ANKRD50: variants seen among roughly 807,000 people sequenced by gnomAD.
The protein encoded by ANKRD50 is ankyrin repeat domain 50.
ANKRD50 carries 40 observed loss-of-function variants against 112.0 expected under a neutral mutation model. That is an observed-to-expected ratio of 0.36 (90% CI 0.28 to 0.46). ANKRD50 has a LOEUF of 0.46. Ranked by LOEUF, ANKRD50 falls within the 20% of genes least tolerant of loss-of-function variation. The pLI is 1.00. For synonymous variants in ANKRD50, 613 were observed against 619.1 expected (o/e 0.99, Z 0.15); for missense variants, 1,487 against 1,701.7 (o/e 0.87, Z 2.22).
At chr4:124,706,476 G>A (rs562459300) in intron 2 of ANKRD50, among the ~76,000 whole-genome samples, 5 of 151,990 alleles carry the variant, frequency 3.3e-5, no homozygotes, top group African/African-American at 1.2e-4. Flanking sequence ...CATGTATCAC[G>A]TATTCTATCT....
chr4:124,705,350 C>A (rs2110528540), intron 2 of ANKRD50, among the ~76,000 whole-genome samples: 1 of 152,278 alleles, frequency 6.6e-6, no homozygotes, highest in Admixed American at 6.5e-5. Context: ...TAGAGTTATT[C>A]ATCTTTAATT....
Position 124,664,133 on chromosome 4 carries a change from T to G in ANKRD50, c.*3385A>C, listed in dbSNP as rs1730432863. 6.6e-6 allele frequency: 1 copy of G among 152,026 alleles called. No homozygotes were observed. The highest frequency in any genetic ancestry group is 2.1e-4 in the South Asian group (1 of 4,828). The allele number at this position is 152,026 out of a possible 1,614,324, so 9.4% of individuals were successfully genotyped here. A position where few individuals can be genotyped will look rare whatever the true frequency, so the allele number is the denominator to read the frequency against. On this transcript the variant is annotated 3_prime_UTR_variant, in exon 5 of 5. Transcript: ENST00000504087. The stretch of plus-strand genomic sequence containing the variant: ...AACTCCCAAAATATCCGCCATAAGA[T>G]GGCCATAATATTCTGATGATCAAGG...
At position 124,669,323 on chromosome 4, in the gene ANKRD50, T is replaced by G. The variant is rs1874748; in HGVS notation, c.3954A>C (p.Pro1318=). 3.7e-6 allele frequency: 6 copies of G among 1,613,648 alleles called. No homozygotes were observed. The part of the protein sequence containing the change: ...GPIAKSGTAA[P]PKQMPAESQC... ...GAGATTCTGCTGGCATTTGTTTAGG[T>G]GGTGCAGCAGTCCCGGATTTGGCTA... The change falls in exon 4 of 5, where the codon CCA becomes CCC. Residue 1318 remains proline, a synonymous_variant. Transcript: ENST00000504087.
rs1167932096 is a variant in ANKRD50 at position 124,670,621 on chromosome 4, A to G, written c.2656T>C (p.Leu886=). 1.9e-6 allele frequency: 3 copies of G among 1,613,420 alleles called. No individual in the cohort carries two copies. Among genetic ancestry groups the G allele is most frequent in the Non-Finnish European group, 2.5e-6 (3 of 1,179,806 alleles). The change falls in exon 4 of 5, where the codon TTA becomes CTA. Residue 886 remains leucine (L), a synonymous_variant. Coordinates refer to ENST00000504087, the MANE Select transcript of ANKRD50 (RefSeq NM_020337.3). ...TCATAATGACCCTCTTGTGAAGCTA[A>G]TATGAAAGGGATTCGTCCATCATTG... The part of the protein sequence containing the change: ...IDNDGRIPFI[L]ASQEGHYDCV...
chr4:124,671,533 G>C lies in ANKRD50; in HGVS notation c.1744C>G (p.Leu582Val), dbSNP rs1180120575. Residue 582 changes from leucine (L) to valine (V), a missense_variant, in exon 4 of 5, where the codon CTC becomes GTC. By Grantham distance (32) the Leu-to-Val change is conservative. Coordinates refer to ENST00000504087, the MANE Select transcript of ANKRD50 (RefSeq NM_020337.3). ...EIEDAHGHTPLTLAARQGHTK... is the reference protein window; with the variant it reads ...EIEDAHGHTPVTLAARQGHTK... Reference sequence around the variant, plus strand: ...TGTCCCTGTCTAGCCGCTAGAGTGAGTGGTGTATGTCCATGAGCATCTTCT... The same window carrying C: ...TGTCCCTGTCTAGCCGCTAGAGTGACTGGTGTATGTCCATGAGCATCTTCT... 6.2e-7 allele frequency: 1 copy of C among 1,613,806 alleles called. No individual in the cohort carries two copies. The highest frequency in any genetic ancestry group is 1.7e-5 in the Admixed American group (1 of 59,962).
chr4:124,675,096 T>A (rs1730742759), intron 3 of ANKRD50, among the ~76,000 whole-genome samples: 1 of 151,850 alleles, frequency 6.6e-6, no homozygotes, highest in South Asian at 2.1e-4. Flanking sequence ...ACTGAAATGA[T>A]GGACCACCTA....
intron 1 of ANKRD50, 62 bp from the exon 2 acceptor site, chr4:124,711,336 GACA>G (rs1030444381): frequency 3.9e-5 from 6 of 152,124 alleles, no homozygotes; most frequent in Non-Finnish European, 7.3e-5. Context: ...ACTTATTAAG[GACA>G]ATAAAGGTTG....
At chr4:124,687,227 G>A (rs552564482) in intron 2 of ANKRD50, among the ~76,000 whole-genome samples, 1 of 152,138 alleles carries the variant, frequency 6.6e-6, no homozygotes, top group Non-Finnish European at 1.5e-5. Context: ...CAAAGTTGTA[G>A]AGGTAATTCA....
intron 3 of ANKRD50, among the ~76,000 whole-genome samples, chr4:124,675,546 C>A (rs909351913): frequency 1.3e-5 from 2 of 151,638 alleles, no homozygotes; most frequent in African/African-American, 4.8e-5. Flanking sequence ...TGATATATAG[C>A]ATGATCTCAA....
intron 3 of ANKRD50, among the ~76,000 whole-genome samples, chr4:124,675,498 G>T (rs1271333035): frequency 6.6e-6 from 1 of 151,658 alleles, no homozygotes; most frequent in African/African-American, 2.4e-5. Context: ...ACACTGAAAG[G>T]TTTGTCAATG....
intron 2 of ANKRD50, among the ~76,000 whole-genome samples, chr4:124,682,176 C>T (rs1052193891): frequency 3.3e-5 from 5 of 150,612 alleles, no homozygotes; most frequent in Non-Finnish European, 7.4e-5. Context: ...ATTAGCCGGG[C>T]GCGGTGGCAG....
At chr4:124,699,436 T>C (rs1725338144) in intron 2 of ANKRD50, among the ~76,000 whole-genome samples, 1 of 152,166 alleles carries the variant, frequency 6.6e-6, no homozygotes, top group Non-Finnish European at 1.5e-5. Context: ...TGTGACTTTG[T>C]GACCTGTGTC....
chr4:124,673,272 A>G (rs1296091431), intron 3 of ANKRD50, among the ~76,000 whole-genome samples: 1 of 152,142 alleles, frequency 6.6e-6, no homozygotes, highest in Non-Finnish European at 1.5e-5. Context: ...GTCTAAAGGC[A>G]GATGACATCA....
chr4:124,688,556 A>G (rs996252815), intron 2 of ANKRD50, among the ~76,000 whole-genome samples: 1 of 152,216 alleles, frequency 6.6e-6, no homozygotes, highest in African/African-American at 2.4e-5. Flanking sequence ...GTTTCTTTGA[A>G]ACGCAAAAGA....
chr4:124,710,177 A>C lies in ANKRD50; in HGVS notation c.335T>G (p.Phe112Cys). 1 of 1,614,180 alleles carries C rather than the reference A, an allele frequency of 6.2e-7. No individual in the cohort carries two copies. Among genetic ancestry groups the C allele is most frequent in the Non-Finnish European group, 8.5e-7 (1 of 1,180,042 alleles). Residue 112 changes from phenylalanine (F) to cysteine (C), a missense_variant, in exon 2 of 5, where the codon TTC (phenylalanine) becomes TGC (cysteine). Coordinates refer to ENST00000504087, the MANE Select transcript of ANKRD50 (RefSeq NM_020337.3). ...GLHRQALAFH[F>C]CKAQDSDTLC... ...AGTATCAGAGTCCTGGGCTTTGCAG[A>C]AATGAAAGGCCAAAGCTTGGCGATG...
chr4:124,680,197 T>G (rs931343768), intron 2 of ANKRD50, among the ~76,000 whole-genome samples: 8 of 152,200 alleles, frequency 5.3e-5, no homozygotes, highest in African/African-American at 1.7e-4. Context: ...TTAAAATTTT[T>G]CTTTAACTGT....
intron 2 of ANKRD50, among the ~76,000 whole-genome samples, chr4:124,682,104 C>A (rs545625830): frequency 1.3e-5 from 2 of 151,976 alleles, no homozygotes; most frequent in South Asian, 4.2e-4. Flanking sequence ...ATCACGAGGT[C>A]AGGAGATCGA....
At chr4:124,692,196 T>G in intron 2 of ANKRD50, among the ~76,000 whole-genome samples, 1 of 152,340 alleles carries the variant, frequency 6.6e-6, no homozygotes, top group Admixed American at 6.5e-5. Context: ...ATCCAAAATC[T>G]GAAACATTCT....
rs991660657 is a variant in ANKRD50, at chr4:124,710,666, C to T, written c.-155G>A. ...CCACAGAGTTCCTCTGTCAACAGAA[C>T]GTGCATGACTTTATTTGGTTCCTTA... On this transcript the variant is annotated 5_prime_UTR_variant, in exon 2 of 5. Transcript: ENST00000504087. 1 of 882,284 alleles carries T rather than the reference C, an allele frequency of 1.1e-6. No homozygotes were observed. Among genetic ancestry groups the T allele is most frequent in the Non-Finnish European group, 1.7e-6 (1 of 578,592 alleles). 54.7% of individuals were successfully genotyped at this position (882,284 alleles called of 1,614,324 possible).
Sources: gnomAD v4.1 joint callset for allele counts (sites outside exome capture counted in the v4.1 genomes callset) on GRCh38, gnomAD v4.1.1 for gene constraint, MANE v1.5 for transcripts, NCBI Gene and HGNC (gene_info 2026-07-23, HGNC 2026-07-21) for gene names.